HHAT: variants seen among roughly 807,000 people sequenced by gnomAD.
The protein encoded by HHAT is protein-cysteine N-palmitoyltransferase HHAT.
In HHAT, 47 loss-of-function variants were observed where a neutral mutation model predicts 70.8. The observed-to-expected ratio is 0.66, with a 90% CI of 0.53 to 0.85. The LOEUF (loss-of-function observed/expected upper bound fraction) is 0.85. HHAT is among the 40% of genes least tolerant of loss of function. The pLI, the probability that HHAT is intolerant of heterozygous loss-of-function variation, is 0.00. For synonymous variants in HHAT, 228 were observed against 247.6 expected (o/e 0.92, Z 0.74); for missense variants, 609 against 604.8 (o/e 1.01, Z -0.07).
At chr1:210,515,757 C>CAAAAA (rs34971563) in intron 9 of HHAT, among the ~76,000 whole-genome samples, 3 of 80,262 alleles carry the variant, frequency 3.7e-5, no homozygotes, top group African/African-American at 1.0e-4. Context: ...GACTCCGTCT[C>CAAAAA]AAAAAAAAAA....
chr1:210,628,706 A>G (rs903547675), intron 11 of HHAT, among the ~76,000 whole-genome samples: 1 of 152,176 alleles, frequency 6.6e-6, no homozygotes, highest in Admixed American at 6.5e-5. Flanking sequence ...AAGAGAAAGT[A>G]TATTTTCTCC....
At chr1:210,349,173 T>C in intron 2 of HHAT, 107 bp downstream of exon 2, 4 of 1,185,620 alleles carry the variant, frequency 3.4e-6, no homozygotes, top group Non-Finnish European at 4.7e-6. Flanking sequence ...GTCAAGATGA[T>C]GTGGGCCTTG....
rs71146226 is a variant in HHAT, at chr1:210,494,542, C to CTTTTTTTTTTT, written c.1008-18594_1008-18584dup. ...AGATCAGGAGTTCAGTTTGAAATAG[C>CTTTTTTTTTTT]TTTTTTTTTTTTTTTTTTTTTTTTT... On this transcript the variant is annotated intron_variant, in intron 8 of 11. Transcript: ENST00000261458. 1.2e-3 allele frequency among the ~76,000 whole-genome samples: 96 copies of CTTTTTTTTTTT among 82,848 alleles called. 5 individuals carry two copies. Among genetic ancestry groups the CTTTTTTTTTTT allele is most frequent in the Admixed American group, 2.0e-3 (12 of 5,982 alleles). The allele number at this position is 82,848 out of a possible 152,430, so 54.4% of individuals were successfully genotyped here. A position where few individuals can be genotyped will look rare whatever the true frequency, so the allele number is the denominator to read the frequency against.
At chr1:210,346,507 A>T (rs3765884) in intron 1 of HHAT, among the ~76,000 whole-genome samples, 23,426 of 152,210 alleles carry the variant, frequency 0.15, 2,017 homozygotes, top group African/African-American at 0.22. Context: ...GTTCTGAAAA[A>T]TAGTAAGGAA....
chr1:210,374,565 C>T (rs1415767254), intron 3 of HHAT, among the ~76,000 whole-genome samples: 4 of 152,124 alleles, frequency 2.6e-5, no homozygotes, highest in East Asian at 1.9e-4. Flanking sequence ...AAGTAGAGGC[C>T]ATGCTAGCTG....
chr1:210,635,378 T>C (rs1420320113), intron 11 of HHAT, among the ~76,000 whole-genome samples: 1 of 152,224 alleles, frequency 6.6e-6, no homozygotes, highest in Non-Finnish European at 1.5e-5. Flanking sequence ...CTGAGGTGTG[T>C]GCACTTCATC....
At chr1:210,329,303 G>A in intron 1 of HHAT, 199 bp downstream of exon 1, 1 of 1,224,828 alleles carries the variant, frequency 8.2e-7, no homozygotes, top group Non-Finnish European at 1.0e-6. Context: ...CGCGCGCAGT[G>A]CGCCCGGGCA....
chr1:210,400,685 T>C, intron 5 of HHAT, 23 bp downstream of exon 5: 1 of 1,598,334 alleles, frequency 6.3e-7, no homozygotes, highest in Non-Finnish European at 8.5e-7. Flanking sequence ...CTGTTACCAT[T>C]GGGAATCCAG....
At chr1:210,534,743 C>G (rs2095352803) in intron 9 of HHAT, among the ~76,000 whole-genome samples, 1 of 152,196 alleles carries the variant, frequency 6.6e-6, no homozygotes, top group Admixed American at 6.5e-5. Flanking sequence ...GTGGCATTTT[C>G]TACTTGTGGC....
intron 9 of HHAT, among the ~76,000 whole-genome samples, chr1:210,551,696 A>G (rs2095529151): frequency 1.3e-5 from 2 of 152,250 alleles, no homozygotes; most frequent in South Asian, 4.1e-4. Context: ...TCTTAGCAAC[A>G]TTAATGAACG....
At chr1:210,603,935 A>C (rs79751799) in intron 10 of HHAT, among the ~76,000 whole-genome samples, 3,712 of 152,272 alleles carry the variant, frequency 0.024, 165 homozygotes, top group African/African-American at 0.085. Flanking sequence ...TTCTGGTGTC[A>C]AACTTGTAGT....
At chr1:210,423,164 A>G (rs2092956054) in intron 7 of HHAT, among the ~76,000 whole-genome samples, 1 of 152,136 alleles carries the variant, frequency 6.6e-6, no homozygotes, top group African/African-American at 2.4e-5. Flanking sequence ...CATAGCGGCT[A>G]TACTAGTTTG....
intron 6 of HHAT, among the ~76,000 whole-genome samples, chr1:210,413,317 T>C (rs2092620426): frequency 6.6e-6 from 1 of 152,232 alleles, no homozygotes; most frequent in Admixed American, 6.5e-5. Flanking sequence ...TCCATTGTCT[T>C]GGACAGGAGG....
At chr1:210,499,038 G>A (rs1004005402) in intron 8 of HHAT, among the ~76,000 whole-genome samples, 1 of 152,090 alleles carries the variant, frequency 6.6e-6, no homozygotes, top group African/African-American at 2.4e-5. Flanking sequence ...AAAGTGCTGG[G>A]ATTACAGGCA....
At chr1:210,518,974 C>T (rs2148599903) in intron 9 of HHAT, among the ~76,000 whole-genome samples, 1 of 152,276 alleles carries the variant, frequency 6.6e-6, no homozygotes, top group East Asian at 1.9e-4. Flanking sequence ...ATGGTAAGCT[C>T]TGATTGGTGA....
intron 7 of HHAT, among the ~76,000 whole-genome samples, chr1:210,453,244 G>A (rs115660806): frequency 0.01 from 1,535 of 152,116 alleles, 25 homozygotes; most frequent in African/African-American, 0.035. Context: ...TCTAAGGTTC[G>A]TTAAGATACA....
intron 4 of HHAT, among the ~76,000 whole-genome samples, chr1:210,398,676 A>T (rs552191036): frequency 2.0e-5 from 3 of 152,238 alleles, no homozygotes; most frequent in East Asian, 3.8e-4. Context: ...GTGTCTATGT[A>T]TGTAGCCACA....
At chr1:210,614,516 C>G (rs957180116) in intron 10 of HHAT, among the ~76,000 whole-genome samples, 2 of 152,130 alleles carry the variant, frequency 1.3e-5, no homozygotes, top group Admixed American at 1.3e-4. Context: ...CACCCATTAA[C>G]TCATCATTTA....
intron 11 of HHAT, among the ~76,000 whole-genome samples, chr1:210,673,543 C>A (rs543328587): frequency 7.3e-5 from 11 of 151,538 alleles, no homozygotes; most frequent in African/African-American, 2.4e-4. Context: ...GACTTTTTTC[C>A]TTTTTCAATT....
Sources: gnomAD v4.1 joint callset for allele counts (sites outside exome capture counted in the v4.1 genomes callset) on GRCh38, gnomAD v4.1.1 for gene constraint, MANE v1.5 for transcripts, NCBI Gene and HGNC (gene_info 2026-07-23, HGNC 2026-07-21) for gene names.